Variants in DAW1 observed in about 807,000 individuals in gnomAD.
The protein encoded by DAW1 is dynein assembly factor with WD repeats 1.
Under a neutral mutation model 56.5 loss-of-function variants are expected in DAW1, and 47 were observed. The ratio of observed to expected loss-of-function variants is 0.83; its 90% CI spans 0.66 to 1.06. The LOEUF (loss-of-function observed/expected upper bound fraction) is 1.06, where lower values mean the gene tolerates loss of function less well. Among genes scored for constraint, DAW1 ranks in the 50% least tolerant of loss-of-function variants. The pLI, the probability that DAW1 is intolerant of heterozygous loss-of-function variation, is 0.00. For synonymous variants in DAW1, 190 were observed against 179.0 expected (o/e 1.06, Z -0.49); for missense variants, 505 against 499.3 (o/e 1.01, Z -0.11).
rs750185890 is a variant in DAW1, at chr2:227,918,825, A to C, written c.1019A>C (p.Lys340Thr). 1 of 1,614,164 alleles carries C rather than the reference A, an allele frequency of 6.2e-7. No individual in the cohort carries two copies. Among genetic ancestry groups the C allele is most frequent in the Non-Finnish European group, 8.5e-7 (1 of 1,180,038 alleles). Residue 340 changes from lysine (K) to threonine (T), a missense_variant, in exon 11 of 13, where the codon AAA becomes ACA. By Grantham distance (78) the Lys-to-Thr change is moderately conservative. Transcript: ENST00000309931. ...FSAATRKCIA[K>T]LEGHEGEISK... ...GCTGCCACAAGAAAATGCATTGCCAAACTGGAAGGTCATGAAGGTGAAATT... is the reference window on the plus strand; with the variant it reads ...GCTGCCACAAGAAAATGCATTGCCACACTGGAAGGTCATGAAGGTGAAATT...
At chr2:227,902,939 T>A (rs1278077058) in intron 6 of DAW1, 63 bp from the exon 7 acceptor site, 1 of 1,499,498 alleles carries the variant, frequency 6.7e-7, no homozygotes, top group Non-Finnish European at 9.2e-7. Flanking sequence ...GAAGATTTTC[T>A]GTGTATAATT....
At chr2:227,911,260 G>GTC (rs1691811506) in intron 10 of DAW1, among the ~76,000 whole-genome samples, 1 of 128,042 alleles carries the variant, frequency 7.8e-6, no homozygotes. Flanking sequence ...ATATACACGT[G>GTC]TATATACACA....
intron 1 of DAW1, among the ~76,000 whole-genome samples, chr2:227,878,236 A>G (rs570027522): frequency 2.0e-5 from 3 of 152,334 alleles, no homozygotes; most frequent in South Asian, 2.1e-4. Flanking sequence ...TATTTCCTCA[A>G]TAATAAATAG....
chr2:227,911,357 T>A (rs1175449076), intron 10 of DAW1, among the ~76,000 whole-genome samples: 4 of 145,724 alleles, frequency 2.7e-5, no homozygotes, highest in Non-Finnish European at 4.5e-5. Flanking sequence ...TGTGTATATA[T>A]AAAATTATAC....
intron 5 of DAW1, among the ~76,000 whole-genome samples, chr2:227,896,660 T>A (rs1269802290): frequency 2.0e-5 from 3 of 150,188 alleles, no homozygotes; most frequent in Admixed American, 6.6e-5. Flanking sequence ...AAGGAAAAAC[T>A]TCAACCAATT....
At position 227,872,726 on chromosome 2, in the gene DAW1, C is replaced by G. The variant is rs186901824; in HGVS notation, c.40+997C>G. On this transcript the variant is annotated intron_variant, in intron 1 of 12. Coordinates refer to ENST00000309931, the MANE Select transcript of DAW1 (RefSeq NM_178821.3). ...CCCCCGGCATTCCGTTATCATTCTGCCAGCTCTAAGTCCAAAATATTCTGT... is the reference window on the plus strand; with the variant it reads ...CCCCCGGCATTCCGTTATCATTCTGGCAGCTCTAAGTCCAAAATATTCTGT... Among the ~76,000 whole-genome samples, 544 of 138,050 alleles carry G rather than the reference C, an allele frequency of 3.9e-3. 1 individual carries two copies. The highest frequency in any genetic ancestry group is 6.4e-3 in the Admixed American group (82 of 12,812). The allele number at this position is 138,050 out of a possible 152,430, so 90.6% of individuals were successfully genotyped here.
At chr2:227,871,990 A>C (rs1162464729) in intron 1 of DAW1, among the ~76,000 whole-genome samples, 1 of 152,266 alleles carries the variant, frequency 6.6e-6, no homozygotes, top group Non-Finnish European at 1.5e-5. Flanking sequence ...TTGAGTGCCT[A>C]CTGCGTACAC....
rs182971478 is a variant in DAW1 at position 227,906,050 on chromosome 2, C to T, written c.756-186C>T. On this transcript the variant is annotated intron_variant, in intron 8 of 12. Transcript: ENST00000309931. ...GGTTACAAGCGTGAGCCACCGTGCCCGGCTGAAATGAAATTATTGGTAGCT... is the reference window on the plus strand; with the variant it reads ...GGTTACAAGCGTGAGCCACCGTGCCTGGCTGAAATGAAATTATTGGTAGCT... 5.9e-4 allele frequency among the ~76,000 whole-genome samples: 90 copies of T among 152,238 alleles called. No homozygotes were observed. The East Asian group carries it at 0.016, about 27-fold the overall frequency.
At chr2:227,921,331 TTTGCTGA>T in intron 11 of DAW1, 61 bp from the exon 12 acceptor site, 10 of 295,568 alleles carry the variant, frequency 3.4e-5, no homozygotes, top group East Asian at 8.0e-5. Context: ...TTTTTTTTTT[TTTGCTGA>T]TAAGAAATGT....
At chr2:227,923,277 A>C (rs956397066) in intron 12 of DAW1, among the ~76,000 whole-genome samples, 3 of 152,206 alleles carry the variant, frequency 2.0e-5, no homozygotes, top group African/African-American at 7.2e-5. Flanking sequence ...AACTGCAGGC[A>C]TTTTGTAGTG....
intron 10 of DAW1, among the ~76,000 whole-genome samples, chr2:227,907,617 G>A (rs536346656): frequency 3.3e-5 from 5 of 152,108 alleles, no homozygotes; most frequent in South Asian, 4.2e-4. Flanking sequence ...GTGCGATCTC[G>A]GCTCAACGCA....
chr2:227,891,177 G>T, intron 3 of DAW1, 78 bp from the exon 4 acceptor site: 1 of 1,300,686 alleles, frequency 7.7e-7, no homozygotes, highest in Non-Finnish European at 1.1e-6. Context: ...AAAATTGAAT[G>T]TCTTCATTGG....
intron 10 of DAW1, among the ~76,000 whole-genome samples, chr2:227,913,272 T>A (rs984143748): frequency 6.6e-6 from 1 of 152,172 alleles, no homozygotes; most frequent in Non-Finnish European, 1.5e-5. Flanking sequence ...TATCGACATG[T>A]GATGTTATAT....
In DAW1 at chr2:227,912,318, C is replaced by T. The variant is rs563894458; in HGVS notation, c.973+5066C>T. On this transcript the variant is annotated intron_variant, in intron 10 of 12. Transcript: ENST00000309931. ...CACGATCTTGGCTCACTGCAACCTG[C>T]GCCTCCCAGGTTCAAGCGATTCTCC... is the stretch of plus-strand genomic sequence containing the variant. 8.0e-5 allele frequency: 100 copies of T among 1,252,732 alleles called. 1 individual carries two copies. The East Asian group carries it at 1.1e-3, about 14-fold the overall frequency. The allele number at this position is 1,252,732 out of a possible 1,614,324, so 77.6% of individuals were successfully genotyped here.
At chr2:227,876,579 T>G (rs1690888563) in intron 1 of DAW1, 2 of 1,148,960 alleles carry the variant, frequency 1.7e-6, no homozygotes, top group Non-Finnish European at 2.3e-6. Context: ...CTTCTGCATA[T>G]AGAGCAGTTT....
intron 2 of DAW1, among the ~76,000 whole-genome samples, chr2:227,888,461 A>G (rs1052118122): frequency 2.6e-5 from 4 of 152,222 alleles, no homozygotes; most frequent in African/African-American, 9.6e-5. Context: ...AATCTCTGCC[A>G]ATCTGGAAGA....
intron 3 of DAW1, among the ~76,000 whole-genome samples, chr2:227,890,440 T>A (rs769383140): frequency 1.3e-5 from 2 of 152,220 alleles, no homozygotes; most frequent in Non-Finnish European, 2.9e-5. Flanking sequence ...AATATGCTTT[T>A]TAAATAGTTT....
chr2:227,886,545 A>G (rs1169852267), intron 2 of DAW1, among the ~76,000 whole-genome samples: 8 of 152,134 alleles, frequency 5.3e-5, no homozygotes, highest in Non-Finnish European at 8.8e-5. Context: ...TGAACCCAGG[A>G]GGCAGAGGTT....
At chr2:227,884,343 G>A (rs1261587186) in intron 1 of DAW1, among the ~76,000 whole-genome samples, 1 of 152,112 alleles carries the variant, frequency 6.6e-6, no homozygotes, top group East Asian at 1.9e-4. Flanking sequence ...TGGTATTGGT[G>A]TTTGTTGATT....
Sources: gnomAD v4.1 joint callset for allele counts (sites outside exome capture counted in the v4.1 genomes callset) on GRCh38, gnomAD v4.1.1 for gene constraint, MANE v1.5 for transcripts, NCBI Gene and HGNC (gene_info 2026-07-23, HGNC 2026-07-21) for gene names.